The following GRIA1 variants were observed in gnomAD, a reference collection of about 807,000 sequenced individuals.
GRIA1 encodes the protein glutamate receptor 1.
A neutral mutation model predicts 99.2 loss-of-function variants in GRIA1; 31 were observed. That is an observed-to-expected ratio of 0.31 (90% CI 0.23 to 0.42). The LOEUF is 0.42. Ranked by LOEUF, GRIA1 falls within the 10% of genes least tolerant of loss-of-function variation. GRIA1 has a pLI of 1.00. For missense variants in GRIA1, 782 were observed against 1,157.5 expected (o/e 0.68, Z 4.71); for synonymous variants, 438 against 432.4 (o/e 1.01, Z -0.16).
chr5:153,536,003 G>T (rs764116234), intron 2 of GRIA1, among the ~76,000 whole-genome samples: 1 of 152,104 alleles, frequency 6.6e-6, no homozygotes, highest in African/African-American at 2.4e-5. Flanking sequence ...TGTCAGAATC[G>T]TCCTTTTAAA....
At chr5:153,547,862 A>T (rs749309556) in intron 2 of GRIA1, among the ~76,000 whole-genome samples, 3 of 152,162 alleles carry the variant, frequency 2.0e-5, no homozygotes, top group Non-Finnish European at 2.9e-5. Flanking sequence ...CTGGTCTGAG[A>T]GACACTGAAT....
chr5:153,541,928 CAAAAAAAAAAA>C (rs57442019), intron 2 of GRIA1, among the ~76,000 whole-genome samples: 73 of 97,430 alleles, frequency 7.5e-4, no homozygotes, highest in African/African-American at 1.8e-3. Context: ...GATCCTGTTT[CAAAAAAAAAAA>C]AAAAAAAAAA....
At chr5:153,649,093 A>G (rs1186475273) in intron 3 of GRIA1, among the ~76,000 whole-genome samples, 1 of 152,174 alleles carries the variant, frequency 6.6e-6, no homozygotes, top group East Asian at 1.9e-4. Flanking sequence ...GGCCTTGAAG[A>G]TGGAAGGGGC....
At chr5:153,636,713 TTCTC>T (rs759714601) in intron 2 of GRIA1, among the ~76,000 whole-genome samples, 1 of 152,234 alleles carries the variant, frequency 6.6e-6, no homozygotes, top group Non-Finnish European at 1.5e-5. Context: ...AGCTTCACTT[TTCTC>T]TCTATGAAAT....
At chr5:153,698,650 T>C (rs113434643) in intron 9 of GRIA1, among the ~76,000 whole-genome samples, 2 of 152,178 alleles carry the variant, frequency 1.3e-5, no homozygotes, top group Non-Finnish European at 2.9e-5. Context: ...GTATGCCATA[T>C]CTCAGTGATA....
In GRIA1 at chr5:153,794,754, A is replaced by G; in HGVS notation, c.2385+19A>G. The G allele has an allele frequency of 2.0e-6, 3 of 1,478,224 alleles. No homozygotes were observed. The highest frequency in any genetic ancestry group is 4.5e-5 in the East Asian group (2 of 44,202). 91.6% of individuals were successfully genotyped at this position (1,478,224 alleles called of 1,614,324 possible). On this transcript the variant is annotated intron_variant, in intron 14 of 15. Transcript: ENST00000285900. ...TTCCAAGGTCAGCCCCAGTAAGAAAAAAAAAAACCTAGTGGGTATGAAATA... is the reference window on the plus strand; with the variant it reads ...TTCCAAGGTCAGCCCCAGTAAGAAAGAAAAAAACCTAGTGGGTATGAAATA...
intron 2 of GRIA1, among the ~76,000 whole-genome samples, chr5:153,604,532 C>T (rs947420551): frequency 2.6e-5 from 4 of 152,252 alleles, no homozygotes; most frequent in Non-Finnish European, 5.9e-5. Flanking sequence ...AACACTCAGC[C>T]AAGTCAAGAA....
At chr5:153,733,074 A>G (rs1046143291) in intron 11 of GRIA1, among the ~76,000 whole-genome samples, 6 of 151,750 alleles carry the variant, frequency 4.0e-5, no homozygotes, top group African/African-American at 1.2e-4. Flanking sequence ...ATAAAGGCTA[A>G]AAGATAAAAG....
At chr5:153,783,788 C>T (rs573168903) in intron 13 of GRIA1, among the ~76,000 whole-genome samples, 1 of 152,296 alleles carries the variant, frequency 6.6e-6, no homozygotes, top group East Asian at 1.9e-4. Context: ...CAATAGAGCT[C>T]AGATTAGATG....
chr5:153,567,943 G>A (rs1761793001), intron 2 of GRIA1, among the ~76,000 whole-genome samples: 1 of 152,164 alleles, frequency 6.6e-6, no homozygotes, highest in Non-Finnish European at 1.5e-5. Flanking sequence ...AAGCCAGTAA[G>A]TCAGGGATAA....
chr5:153,554,804 A>AT (rs956370249), intron 2 of GRIA1, among the ~76,000 whole-genome samples: 2 of 152,282 alleles, frequency 1.3e-5, no homozygotes, highest in South Asian at 2.1e-4. Flanking sequence ...AGGAAGTGGC[A>AT]TTTTTCAGAA....
intron 13 of GRIA1, among the ~76,000 whole-genome samples, chr5:153,791,986 T>C (rs1198862049): frequency 2.0e-5 from 3 of 151,848 alleles, no homozygotes; most frequent in Admixed American, 6.6e-5. Context: ...TATCCCATAC[T>C]ACATGTTTTG....
intron 11 of GRIA1, chr5:153,755,817 T>C (rs1460217163): frequency 6.6e-6 from 1 of 152,192 alleles, no homozygotes; most frequent in Non-Finnish European, 1.5e-5. Context: ...TAGGAGATTA[T>C]AAAACACTGG....
intron 15 of GRIA1, among the ~76,000 whole-genome samples, chr5:153,803,367 A>T (rs1296576655): frequency 6.6e-6 from 1 of 152,214 alleles, no homozygotes; most frequent in African/African-American, 2.4e-5. Flanking sequence ...TTCAGTAAGA[A>T]ATTATTTGTG....
rs1039935700 is a variant in GRIA1 at position 153,812,913 on chromosome 5, C to T, written c.*1688C>T. On this transcript the variant is annotated 3_prime_UTR_variant, in exon 16 of 16. Transcript: ENST00000285900. ...CCATATTCTGGCTTGTTCCCTTACC[C>T]CCTACTTCTATCCAATTTTCTCTGC... 6.6e-6 allele frequency: 1 copy of T among 152,172 alleles called. No homozygotes were observed. The highest frequency in any genetic ancestry group is 2.4e-5 in the African/African-American group (1 of 41,418). The allele number at this position is 152,172 out of a possible 1,614,324, so 9.4% of individuals were successfully genotyped here.
At chr5:153,795,146 G>A (rs1303990882) in intron 14 of GRIA1, among the ~76,000 whole-genome samples, 1 of 152,134 alleles carries the variant, frequency 6.6e-6, no homozygotes, top group Non-Finnish European at 1.5e-5. Flanking sequence ...AAGGCTGGGT[G>A]AGCAGCCAGA....
At chr5:153,668,591 T>A (rs1292885978) in intron 5 of GRIA1, among the ~76,000 whole-genome samples, 1 of 152,196 alleles carries the variant, frequency 6.6e-6, no homozygotes, top group African/African-American at 2.4e-5. Context: ...GCTGACTAGT[T>A]GTGACAAGAA....
At chr5:153,501,856 G>T (rs531277076) in intron 2 of GRIA1, among the ~76,000 whole-genome samples, 33 of 152,332 alleles carry the variant, frequency 2.2e-4, no homozygotes, top group Admixed American at 1.6e-3. Flanking sequence ...GCAGTGCCTG[G>T]AGAACTGGTG....
At chr5:153,521,874 A>G (rs1257853924) in intron 2 of GRIA1, among the ~76,000 whole-genome samples, 10 of 152,210 alleles carry the variant, frequency 6.6e-5, no homozygotes, top group Admixed American at 4.6e-4. Flanking sequence ...GCTGCACACT[A>G]GTTGGTGCAA....
Sources: gnomAD v4.1 joint callset for allele counts (sites outside exome capture counted in the v4.1 genomes callset) on GRCh38, gnomAD v4.1.1 for gene constraint, MANE v1.5 for transcripts, NCBI Gene and HGNC (gene_info 2026-07-23, HGNC 2026-07-21) for gene names.